Variants in GPM6A observed in about 807,000 individuals in gnomAD.
GPM6A encodes glycoprotein M6A.
In GPM6A, 7 loss-of-function variants were observed where a neutral mutation model predicts 32.1. The observed-to-expected ratio is 0.22, with a 90% CI of 0.12 to 0.41. The LOEUF is 0.41. Among genes scored for constraint, GPM6A ranks in the 10% least tolerant of loss-of-function variants. GPM6A has a pLI of 1.00. For synonymous variants in GPM6A, 130 were observed against 123.4 expected, an observed-to-expected ratio of 1.05 and a Z score of -0.35; for missense variants, 235 against 347.2, an observed-to-expected ratio of 0.68 and a Z score of 2.57.
intron 1 of GPM6A, among the ~76,000 whole-genome samples, chr4:175,729,852 A>G (rs1731340106): frequency 6.8e-6 from 1 of 146,030 alleles, no homozygotes; most frequent in African/African-American, 2.5e-5. Flanking sequence ...TATTTAATGT[A>G]TATATGTATT....
intron 1 of GPM6A, among the ~76,000 whole-genome samples, chr4:175,810,130 T>C (rs1312915368): frequency 6.6e-6 from 1 of 152,158 alleles, no homozygotes. Context: ...TCTTGAAAAA[T>C]CTGTAACGAT....
At chr4:175,817,110 G>A (rs1421863063), upstream of GPM6A, among the ~76,000 whole-genome samples, 2 of 152,050 alleles carry the variant, frequency 1.3e-5, no homozygotes, top group Admixed American at 6.6e-5. Flanking sequence ...CGCCCGCCTC[G>A]GCCTCCCAAA....
intron 1 of GPM6A, among the ~76,000 whole-genome samples, chr4:175,783,463 T>C (rs539169184): frequency 1.1e-3 from 172 of 152,068 alleles, no homozygotes; most frequent in African/African-American, 4.0e-3. Context: ...TTAAATAATA[T>C]GAAAGGAGCT....
In GPM6A at chr4:175,969,719, G is replaced by T. The variant is rs139500876; in HGVS notation, c.-23+32590C>A. Among the ~76,000 whole-genome samples, 882 of 152,036 alleles carry T rather than the reference G, an allele frequency of 5.8e-3. 6 individuals are homozygous for T. The highest frequency in any genetic ancestry group is 0.02 in the African/African-American group (833 of 41,496). ...AAGCAAAACTCTGCTCAAATAATAA[G>T]AATAATAACAACAACAATATATCAA... On this transcript the variant is annotated intron_variant, in intron 1 of 7. Transcript: ENST00000280187.
At chr4:176,000,341 A>C (rs1177300169) in intron 1 of GPM6A, among the ~76,000 whole-genome samples, 1 of 152,186 alleles carries the variant, frequency 6.6e-6, no homozygotes, top group Non-Finnish European at 1.5e-5. Flanking sequence ...AGAGTTACAG[A>C]CCAAGCTTTG....
intron 1 of GPM6A, among the ~76,000 whole-genome samples, chr4:175,935,880 T>C (rs941437213): frequency 2.0e-5 from 3 of 152,116 alleles, no homozygotes; most frequent in African/African-American, 7.2e-5. Flanking sequence ...GGGATATTGA[T>C]TTAATAAAAT....
At chr4:175,870,269 T>G (rs1736866312) in intron 1 of GPM6A, among the ~76,000 whole-genome samples, 1 of 152,120 alleles carries the variant, frequency 6.6e-6, no homozygotes, top group South Asian at 2.1e-4. Flanking sequence ...TTTTTCAATT[T>G]TTTTCAGGGC....
chr4:175,709,263 T>A (rs1192592012), intron 1 of GPM6A, among the ~76,000 whole-genome samples: 4 of 151,960 alleles, frequency 2.6e-5, no homozygotes, highest in African/African-American at 9.7e-5. Context: ...TCCTTTTTTC[T>A]TTCCCTTTTC....
intron 1 of GPM6A, among the ~76,000 whole-genome samples, chr4:175,916,926 T>C (rs1343967736): frequency 6.6e-6 from 1 of 152,186 alleles, no homozygotes; most frequent in African/African-American, 2.4e-5. Context: ...AAGAGAATTT[T>C]TAAGTTATGA....
chr4:175,925,275 G>A (rs1466701490), intron 1 of GPM6A, among the ~76,000 whole-genome samples: 2 of 152,174 alleles, frequency 1.3e-5, no homozygotes, highest in South Asian at 2.1e-4. Flanking sequence ...TTTACATCAA[G>A]TGCCTGACTT....
chr4:175,971,912 G>A (rs528374435), intron 1 of GPM6A: 1 of 152,238 alleles, frequency 6.6e-6, no homozygotes, highest in South Asian at 2.1e-4. Context: ...CTTGCTTTTG[G>A]GAGGGTGGAA....
At chr4:175,948,631 C>T (rs73873508) in intron 1 of GPM6A, among the ~76,000 whole-genome samples, 9,125 of 152,160 alleles carry the variant, frequency 0.06, 865 homozygotes, top group African/African-American at 0.2. Context: ...AATTCATTAT[C>T]GTAACTCAAA....
At chr4:175,790,753 G>A (rs189808937) in intron 1 of GPM6A, among the ~76,000 whole-genome samples, 3 of 152,180 alleles carry the variant, frequency 2.0e-5, no homozygotes, top group South Asian at 2.1e-4. Context: ...AACCAAGAAC[G>A]GCAAATGCCA....
intron 1 of GPM6A, among the ~76,000 whole-genome samples, chr4:175,959,918 T>G (rs1178100677): frequency 6.6e-6 from 1 of 152,208 alleles, no homozygotes; most frequent in Non-Finnish European, 1.5e-5. Flanking sequence ...TGTCTGACAT[T>G]GTTCTAAGCA....
chr4:175,920,595 A>T (rs186971177), intron 1 of GPM6A, among the ~76,000 whole-genome samples: 94 of 152,230 alleles, frequency 6.2e-4, no homozygotes, highest in Non-Finnish European at 1.2e-3. Flanking sequence ...TGCCTGTAAT[A>T]CTAGCACTTT....
chr4:175,709,769 C>T (rs974428631), intron 1 of GPM6A, among the ~76,000 whole-genome samples: 7 of 150,824 alleles, frequency 4.6e-5, no homozygotes, highest in Non-Finnish European at 1.0e-4. Context: ...TAAAACATCA[C>T]ATTTTATTTT....
intron 4 of GPM6A, among the ~76,000 whole-genome samples, chr4:175,648,304 C>T (rs1314982969): frequency 6.6e-6 from 1 of 152,030 alleles, no homozygotes; most frequent in African/African-American, 2.4e-5. Context: ...AAAATAGCCT[C>T]CCATAGATGT....
intron 4 of GPM6A, among the ~76,000 whole-genome samples, chr4:175,644,604 A>C (rs1289160916): frequency 6.6e-6 from 1 of 152,036 alleles, no homozygotes; most frequent in African/African-American, 2.4e-5. Context: ...CTGCAGTGTA[A>C]ATTTGAAAAC....
chr4:175,684,736 T>C (rs1743877994), intron 2 of GPM6A, among the ~76,000 whole-genome samples: 1 of 152,178 alleles, frequency 6.6e-6, no homozygotes, highest in African/African-American at 2.4e-5. Context: ...CATAAATCTG[T>C]TCATTTGTGT....
Sources: allele counts gnomAD v4.1 joint callset (sites outside exome capture counted in the v4.1 genomes callset), GRCh38; gene constraint gnomAD v4.1.1; transcripts MANE v1.5; gene names NCBI Gene and HGNC (gene_info 2026-07-23, HGNC 2026-07-21).